The following PPA1 variants were observed in gnomAD, a reference collection of about 807,000 sequenced individuals.
PPA1 encodes inorganic pyrophosphatase 1, also known as inorganic pyrophosphatase.
In PPA1, 23 loss-of-function variants were observed where a neutral mutation model predicts 41.8. That is an observed-to-expected ratio of 0.55 (90% CI 0.40 to 0.78). The LOEUF (loss-of-function observed/expected upper bound fraction) is 0.78. Ranked by LOEUF, PPA1 falls within the 30% of genes least tolerant of loss-of-function variation. The pLI is 0.00. For synonymous variants in PPA1, 101 were observed against 116.8 expected (o/e 0.86, Z 0.87); for missense variants, 320 against 361.6 (o/e 0.89, Z 0.93).
intron 4 of PPA1, among the ~76,000 whole-genome samples, chr10:70,216,493 A>G (rs371301224): frequency 0.023 from 3,576 of 152,198 alleles, 66 homozygotes; most frequent in Non-Finnish European, 0.037. Context: ...TCTCAAAAAA[A>G]AAAAAAAAAT....
intron 6 of PPA1, among the ~76,000 whole-genome samples, chr10:70,213,251 G>A (rs1242093247): frequency 6.6e-6 from 1 of 152,172 alleles, no homozygotes; most frequent in African/African-American, 2.4e-5. Flanking sequence ...AAAACAGTAA[G>A]AACCTACCAG....
intron 3 of PPA1, among the ~76,000 whole-genome samples, chr10:70,218,152 C>T (rs1931554): frequency 0.022 from 3,304 of 152,196 alleles, 109 homozygotes; most frequent in African/African-American, 0.075. Flanking sequence ...GGAAAAAGAA[C>T]ATTTACTAAT....
intron 4 of PPA1, among the ~76,000 whole-genome samples, chr10:70,215,085 C>T (rs527553120): frequency 9.2e-5 from 14 of 152,238 alleles, no homozygotes; most frequent in African/African-American, 3.1e-4. Flanking sequence ...ATCCCAGCTA[C>T]TTGGGAGGCT....
chr10:70,208,492 A>AT (rs980036287), intron 8 of PPA1, among the ~76,000 whole-genome samples: 3 of 150,990 alleles, frequency 2.0e-5, no homozygotes, highest in African/African-American at 4.9e-5. Context: ...TGCCTGGCTA[A>AT]TTTTTTTTTA....
intron 2 of PPA1, among the ~76,000 whole-genome samples, chr10:70,221,711 T>C (rs1840171611): frequency 6.6e-6 from 1 of 152,160 alleles, no homozygotes; most frequent in Non-Finnish European, 1.5e-5. Flanking sequence ...ATTCACAAGA[T>C]GGAGCTGTTA....
chr10:70,221,775 A>C (rs1484049333), intron 2 of PPA1, among the ~76,000 whole-genome samples: 1 of 152,224 alleles, frequency 6.6e-6, no homozygotes, highest in Non-Finnish European at 1.5e-5. Context: ...AATTTCGTTA[A>C]AACACCACCA....
chr10:70,230,251 A>C (rs113977376), intron 2 of PPA1, 90 bp downstream of exon 2: 3 of 1,445,446 alleles, frequency 2.1e-6, no homozygotes, highest in Non-Finnish European at 2.9e-6. Flanking sequence ...AGGCATTTTA[A>C]GCACTTGTTG....
chr10:70,218,752 G>A lies in PPA1; in HGVS notation c.177+12C>T. On this transcript the variant is annotated intron_variant, in intron 3 of 10. Coordinates refer to ENST00000373232, the MANE Select transcript of PPA1 (RefSeq NM_021129.4). ...ATCCTAAGTCTGACTCAAATGTAAG[G>A]TGAAATATTACCTCCATTTTTGCAT... 1 of 1,594,378 alleles carries A rather than the reference G, an allele frequency of 6.3e-7. No homozygotes were observed. Among genetic ancestry groups the A allele is most frequent in the Non-Finnish European group, 8.6e-7 (1 of 1,162,532 alleles).
chr10:70,220,611 ATT>A (rs1840133005), intron 2 of PPA1, among the ~76,000 whole-genome samples: 3 of 6,154 alleles, frequency 4.9e-4, no homozygotes, highest in African/African-American at 1.2e-3. Context: ...TTATATATAT[ATT>A]ATATATAATT....
At chr10:70,210,873 C>T (rs1033001006) in intron 6 of PPA1, among the ~76,000 whole-genome samples, 1 of 151,652 alleles carries the variant, frequency 6.6e-6, no homozygotes, top group African/African-American at 2.4e-5. Context: ...TCACGCCATT[C>T]TCCTGCCTCA....
chr10:70,233,238 A>C lies in PPA1; in HGVS notation c.64+26T>G, dbSNP rs1381660069. 4 of 1,528,358 alleles carry C rather than the reference A, an allele frequency of 2.6e-6. No individual in the cohort carries two copies. In the Admixed American group the frequency reaches 8.1e-5, roughly 31 times the overall value. 94.7% of individuals were successfully genotyped at this position (1,528,358 alleles called of 1,614,324 possible). A position where few individuals can be genotyped will look rare whatever the true frequency, so the allele number is the denominator to read the frequency against. ...GGAATGAATGGGCGGACGGGCGCGG[A>C]GGGGCCACGGGCCGCAGACACTCAC... is the stretch of plus-strand genomic sequence containing the variant. On this transcript the variant is annotated intron_variant, in intron 1 of 10. Coordinates refer to ENST00000373232, the MANE Select transcript of PPA1 (RefSeq NM_021129.4).
chr10:70,220,481 AT>A (rs1456920974), intron 2 of PPA1, among the ~76,000 whole-genome samples: 2 of 110,100 alleles, frequency 1.8e-5, no homozygotes, highest in African/African-American at 7.2e-5. Flanking sequence ...TATATATATA[AT>A]TTTTATATAT....
At chr10:70,214,624 A>C in intron 4 of PPA1, 38 bp from the exon 5 acceptor site, 1 of 1,486,564 alleles carries the variant, frequency 6.7e-7, no homozygotes, top group Non-Finnish European at 9.3e-7. Context: ...TCCTATACAT[A>C]CTGACAAAAT....
intron 3 of PPA1, among the ~76,000 whole-genome samples, 178 bp from the exon 4 acceptor site, chr10:70,218,109 G>A (rs563917105): frequency 6.6e-6 from 1 of 152,156 alleles, no homozygotes; most frequent in Non-Finnish European, 1.5e-5. Flanking sequence ...TTAAGTGAAA[G>A]GTTATGTGAG....
intron 4 of PPA1, among the ~76,000 whole-genome samples, chr10:70,217,210 A>G (rs1840090431): frequency 6.6e-6 from 1 of 152,132 alleles, no homozygotes; most frequent in Non-Finnish European, 1.5e-5. Flanking sequence ...TTAAGAAAAC[A>G]TGATCCTCTC....
Position 70,209,483 on chromosome 10 carries a change from G to C in PPA1, c.639+75C>G. On this transcript the variant is annotated intron_variant, in intron 7 of 10. Coordinates refer to ENST00000373232, the MANE Select transcript of PPA1 (RefSeq NM_021129.4). ...CAGACTTCTGTTTTGTGAATCTTTA[G>C]ATGGTAACAATATGGTTAAATTATG... is the stretch of plus-strand genomic sequence containing the variant. 2.0e-6 allele frequency: 3 copies of C among 1,486,128 alleles called. No individual in the cohort carries two copies. The South Asian group carries it at 3.9e-5, about 19-fold the overall frequency. The allele number at this position is 1,486,128 out of a possible 1,614,324, so 92.1% of individuals were successfully genotyped here. A position where few individuals can be genotyped will look rare whatever the true frequency, so the allele number is the denominator to read the frequency against.
Sources: gnomAD v4.1 joint callset for allele counts (sites outside exome capture counted in the v4.1 genomes callset) on GRCh38, gnomAD v4.1.1 for gene constraint, MANE v1.5 for transcripts, NCBI Gene and HGNC (gene_info 2026-07-23, HGNC 2026-07-21) for gene names.